RFX3: variants seen among roughly 807,000 people sequenced by gnomAD.
RFX3 encodes the protein regulatory factor X3.
In RFX3, 14 loss-of-function variants were observed where a neutral mutation model predicts 98.6. That is an observed-to-expected ratio of 0.14 (90% confidence interval 0.09 to 0.22). The LOEUF is 0.22. Among genes scored for constraint, RFX3 ranks in the 10% least tolerant of loss-of-function variants. The probability of loss-of-function intolerance (pLI) is 1.00; values close to 1 mark genes in which losing one functional copy is unlikely to be tolerated. For missense variants in RFX3, 639 were observed against 926.9 expected (o/e 0.69, Z 4.03); for synonymous variants, 383 against 328.4 (o/e 1.17, Z -1.80).
chr9:3,440,100 A>T (rs1051919740), intron 1 of RFX3, among the ~76,000 whole-genome samples: 4 of 152,158 alleles, frequency 2.6e-5, no homozygotes, highest in Non-Finnish European at 5.9e-5. Context: ...CAATAAAAGA[A>T]TTTTTTCCAT....
intron 1 of RFX3, among the ~76,000 whole-genome samples, chr9:3,444,408 G>A (rs1845856058): frequency 6.6e-6 from 1 of 151,966 alleles, no homozygotes; most frequent in African/African-American, 2.4e-5. Flanking sequence ...GCAAGGGTAG[G>A]GAGGGATAGA....
At chr9:3,333,117 C>G (rs866533397) in intron 3 of RFX3, among the ~76,000 whole-genome samples, 1 of 152,150 alleles carries the variant, frequency 6.6e-6, no homozygotes, top group Non-Finnish European at 1.5e-5. Flanking sequence ...GCACACTAAT[C>G]AGTCAGCAAA....
rs1313632858 is a variant in RFX3 at position 3,221,579 on chromosome 9, T to G, written c.*3463A>C. On this transcript the variant is annotated 3_prime_UTR_variant, in exon 17 of 17. Transcript: ENST00000617270. ...GGAAAGCAGATTTCTGAAAAGGCAG[T>G]AAGACTTATACAGTCAGTCCAAACA... The G allele has an allele frequency of 6.6e-6, 1 of 152,150 alleles. No individual in the cohort carries two copies. Among genetic ancestry groups the G allele is most frequent in the African/African-American group, 2.4e-5 (1 of 41,458 alleles). The allele number at this position is 152,150 out of a possible 1,614,324, so 9.4% of individuals were successfully genotyped here.
At chr9:3,385,720 GAAA>G (rs1839646756) in intron 2 of RFX3, among the ~76,000 whole-genome samples, 1 of 146,638 alleles carries the variant, frequency 6.8e-6, no homozygotes, top group African/African-American at 2.5e-5. Flanking sequence ...GAAAAGAAAA[GAAA>G]AGAAAACTCC....
intron 15 of RFX3, among the ~76,000 whole-genome samples, chr9:3,242,505 G>A (rs1820087546): frequency 6.6e-6 from 1 of 151,802 alleles, no homozygotes; most frequent in Non-Finnish European, 1.5e-5. Flanking sequence ...CATTTAAAGT[G>A]TATTCCCTAG....
chr9:3,342,460 C>A (rs532145874), intron 3 of RFX3, among the ~76,000 whole-genome samples: 2 of 152,100 alleles, frequency 1.3e-5, no homozygotes, highest in South Asian at 4.1e-4. Flanking sequence ...ACAATGCATA[C>A]TTTTGCATTT....
At chr9:3,295,920 A>C (rs1484095879) in intron 5 of RFX3, among the ~76,000 whole-genome samples, 1 of 152,094 alleles carries the variant, frequency 6.6e-6, no homozygotes, top group Non-Finnish European at 1.5e-5. Context: ...CAAATTAAAA[A>C]AATTTTAATT....
chr9:3,275,669 T>C (rs1403087431), intron 8 of RFX3, 57 bp from the exon 9 acceptor site: 3 of 1,014,812 alleles, frequency 3.0e-6, no homozygotes, highest in Non-Finnish European at 4.5e-6. Context: ...CAATTACAGA[T>C]TAATGAGGGA....
intron 2 of RFX3, among the ~76,000 whole-genome samples, chr9:3,386,013 G>A (rs1839680392): frequency 6.6e-6 from 1 of 152,118 alleles, no homozygotes; most frequent in Admixed American, 6.6e-5. Flanking sequence ...TATTCAAAGT[G>A]AAAGACACCA....
At chr9:3,294,797 C>G (rs3012693) in intron 5 of RFX3, among the ~76,000 whole-genome samples, 23,101 of 151,954 alleles carry the variant, frequency 0.15, 1,992 homozygotes, top group African/African-American at 0.23. Flanking sequence ...AACCAGAGTA[C>G]TTTTAAAAAT....
In RFX3 at chr9:3,220,941, A is replaced by G. The variant is rs1057082941; in HGVS notation, c.*4101T>C. On this transcript the variant is annotated 3_prime_UTR_variant, in exon 17 of 17. Coordinates refer to ENST00000617270, the MANE Select transcript of RFX3 (RefSeq NM_001282116.2). ...TGATCTAACAACAAGCCCAATTTTC[A>G]ACAGCACTGCATGCCAATCCTCCTC... 1.3e-5 allele frequency: 2 copies of G among 152,200 alleles called. No individual in the cohort carries two copies. Among genetic ancestry groups the G allele is most frequent in the Non-Finnish European group, 2.9e-5 (2 of 68,026 alleles). The allele number at this position is 152,200 out of a possible 1,614,324, so 9.4% of individuals were successfully genotyped here.
At chr9:3,247,709 G>A (rs1334661366) in intron 15 of RFX3, 1 of 1,510,132 alleles carries the variant, frequency 6.6e-7, no homozygotes. Context: ...GCTTTATCAG[G>A]AGCACCAATC....
intron 1 of RFX3, among the ~76,000 whole-genome samples, chr9:3,486,282 T>C (rs1850269038): frequency 6.6e-6 from 1 of 152,138 alleles, no homozygotes; most frequent in Non-Finnish European, 1.5e-5. Flanking sequence ...GGGACTGTCT[T>C]TTTTATGACA....
chr9:3,288,393 G>A (rs1826917897), intron 6 of RFX3, 143 bp from the exon 7 acceptor site: 6 of 640,350 alleles, frequency 9.4e-6, no homozygotes, highest in Non-Finnish European at 1.6e-5. Flanking sequence ...AACCTGTTCT[G>A]AATACTTTTA....
chr9:3,454,100 G>A (rs548300879), intron 1 of RFX3, among the ~76,000 whole-genome samples: 5 of 152,152 alleles, frequency 3.3e-5, no homozygotes, highest in South Asian at 4.1e-4. Context: ...TTACCTACAC[G>A]CACTCTTTGC....
intron 2 of RFX3, among the ~76,000 whole-genome samples, chr9:3,367,644 T>C (rs1015534666): frequency 1.4e-4 from 21 of 152,200 alleles, no homozygotes; most frequent in African/African-American, 4.8e-4. Flanking sequence ...GTTTTCAGAA[T>C]TCCCCAGGGA....
chr9:3,490,212 C>T (rs2133489457), intron 1 of RFX3: 1 of 475,408 alleles, frequency 2.1e-6, no homozygotes, highest in East Asian at 1.6e-4. Flanking sequence ...CCATATATGA[C>T]ATCTGAAAAT....
At chr9:3,239,499 G>A (rs1819626901) in intron 15 of RFX3, among the ~76,000 whole-genome samples, 1 of 152,224 alleles carries the variant, frequency 6.6e-6, no homozygotes, top group Non-Finnish European at 1.5e-5. Flanking sequence ...AAACAGGGCA[G>A]CATGATTCTA....
intron 1 of RFX3, among the ~76,000 whole-genome samples, chr9:3,500,318 C>T (rs960224805): frequency 4.6e-5 from 7 of 151,746 alleles, no homozygotes; most frequent in East Asian, 1.9e-4. Flanking sequence ...AAGAAAATGA[C>T]GGACAAGAAC....
Sources: gnomAD v4.1 joint callset for allele counts (sites outside exome capture counted in the v4.1 genomes callset) on GRCh38, gnomAD v4.1.1 for gene constraint, MANE v1.5 for transcripts, NCBI Gene and HGNC (gene_info 2026-07-23, HGNC 2026-07-21) for gene names.